Variants in UBE3D observed in about 807,000 individuals in gnomAD.
UBE3D encodes the protein ubiquitin protein ligase E3D.
Under a neutral mutation model 49.6 loss-of-function variants are expected in UBE3D, and 48 were observed. The ratio of observed to expected loss-of-function variants is 0.97; its 90% CI spans 0.77 to 1.23. The LOEUF is 1.23. UBE3D is among the 50% of genes most tolerant of loss of function. The pLI is 0.00. For missense variants in UBE3D, 452 were observed against 468.4 expected (o/e 0.96, Z 0.32); for synonymous variants, 189 against 174.2 (o/e 1.08, Z -0.67).
At chr6:82,988,831 T>C (rs1778696743) in intron 8 of UBE3D, among the ~76,000 whole-genome samples, 1 of 151,670 alleles carries the variant, frequency 6.6e-6, no homozygotes. Flanking sequence ...AAACCAGCTG[T>C]TACCAGGAGA....
chr6:82,940,169 G>C (rs984565697), intron 9 of UBE3D, among the ~76,000 whole-genome samples: 3 of 152,174 alleles, frequency 2.0e-5, no homozygotes, highest in African/African-American at 7.2e-5. Flanking sequence ...ATTCTCTCTA[G>C]AGTATGGCAA....
At chr6:83,061,129 A>C (rs999104139) in intron 1 of UBE3D, among the ~76,000 whole-genome samples, 6 of 152,232 alleles carry the variant, frequency 3.9e-5, no homozygotes, top group Admixed American at 1.3e-4. Context: ...TATTCCTGCC[A>C]AAGATGCAAA....
chr6:82,948,088 G>GT (rs1554189331), intron 9 of UBE3D, among the ~76,000 whole-genome samples: 3 of 151,774 alleles, frequency 2.0e-5, no homozygotes, highest in Admixed American at 1.3e-4. Flanking sequence ...CAAAATGTTG[G>GT]TTTTTTTGAA....
intron 8 of UBE3D, among the ~76,000 whole-genome samples, chr6:83,011,286 A>G (rs372274215): frequency 6.6e-6 from 1 of 152,216 alleles, no homozygotes; most frequent in African/African-American, 2.4e-5. Flanking sequence ...CGACACTTAC[A>G]TTCCTTGTTT....
At chr6:82,936,059 G>T (rs143951137) in intron 9 of UBE3D, among the ~76,000 whole-genome samples, 1 of 152,038 alleles carries the variant, frequency 6.6e-6, no homozygotes, top group Non-Finnish European at 1.5e-5. Flanking sequence ...GGATGAGAGG[G>T]TGGAATGTGC....
chr6:83,030,759 G>A (rs1414052274), intron 5 of UBE3D, among the ~76,000 whole-genome samples: 3 of 152,130 alleles, frequency 2.0e-5, no homozygotes, highest in Non-Finnish European at 4.4e-5. Flanking sequence ...CAGAAGATAG[G>A]AAATGGGGGA....
downstream of UBE3D, among the ~76,000 whole-genome samples, chr6:82,887,955 AG>A (rs1770918708): frequency 6.6e-6 from 1 of 152,106 alleles, no homozygotes; most frequent in Non-Finnish European, 1.5e-5. Context: ...GCTATTACCT[AG>A]GAAGAGGGGA....
intron 4 of UBE3D, among the ~76,000 whole-genome samples, chr6:83,040,112 C>G (rs1250201578): frequency 6.6e-6 from 1 of 152,068 alleles, no homozygotes; most frequent in Non-Finnish European, 1.5e-5. Context: ...ATGCTGGGCA[C>G]CATGGCTCAC....
At chr6:83,031,813 C>T (rs796819249) in intron 5 of UBE3D, among the ~76,000 whole-genome samples, 15 of 152,300 alleles carry the variant, frequency 9.8e-5, no homozygotes, top group African/African-American at 2.6e-4. Flanking sequence ...GTGTCCCAGC[C>T]GCACTAGCCA....
At chr6:82,947,731 G>A (rs954540309) in intron 9 of UBE3D, among the ~76,000 whole-genome samples, 16 of 151,822 alleles carry the variant, frequency 1.1e-4, no homozygotes, top group African/African-American at 3.4e-4. Context: ...AAAACTATAC[G>A]AATACATGGA....
intron 5 of UBE3D, among the ~76,000 whole-genome samples, chr6:83,034,122 T>C (rs1402955232): frequency 6.6e-6 from 1 of 152,198 alleles, no homozygotes; most frequent in Non-Finnish European, 1.5e-5. Flanking sequence ...TTTGTACATG[T>C]TTTCTACAGA....
intron 5 of UBE3D, chr6:83,032,196 C>A (rs539386632): frequency 4.4e-6 from 2 of 456,220 alleles, no homozygotes; most frequent in Non-Finnish European, 4.4e-6. Context: ...AGAAAAGCCA[C>A]AGTACCTCAA....
At chr6:82,941,255 T>G (rs1336424162) in intron 9 of UBE3D, among the ~76,000 whole-genome samples, 1 of 151,998 alleles carries the variant, frequency 6.6e-6, no homozygotes. Context: ...TTACTCCCAG[T>G]GATCTTAATT....
intron 9 of UBE3D, among the ~76,000 whole-genome samples, chr6:82,936,783 C>CAA (rs1251772714): frequency 2.6e-5 from 4 of 152,158 alleles, no homozygotes; most frequent in Non-Finnish European, 5.9e-5. Context: ...CCCAAAGAAG[C>CAA]AATGTGCTAA....
intron 7 of UBE3D, 137 bp downstream of exon 7, chr6:83,022,316 C>T (rs916655016): frequency 5.0e-5 from 29 of 576,654 alleles, no homozygotes; most frequent in Admixed American, 1.3e-4. Context: ...CATAAGCCAC[C>T]GTGCCCAGCC....
chr6:82,887,320 C>CAA, the UBE3D span, among the ~76,000 whole-genome samples: 13 of 66,914 alleles, frequency 1.9e-4, no homozygotes, highest in Admixed American at 3.1e-4. Context: ...AAGACTGTCT[C>CAA]AAAAAAAAAA....
intron 8 of UBE3D, among the ~76,000 whole-genome samples, chr6:83,010,694 G>C (rs1196142254): frequency 6.6e-6 from 1 of 152,188 alleles, no homozygotes; most frequent in Non-Finnish European, 1.5e-5. Context: ...CAAAGCTGAA[G>C]AATTGGAGTC....
At chr6:83,043,936 G>A (rs1340091140) in intron 4 of UBE3D, among the ~76,000 whole-genome samples, 2 of 152,120 alleles carry the variant, frequency 1.3e-5, no homozygotes, top group Non-Finnish European at 2.9e-5. Flanking sequence ...TGAAACACAA[G>A]CTTTATCTCC....
chr6:83,059,458 T>A (rs1582774037), intron 1 of UBE3D, among the ~76,000 whole-genome samples: 1 of 152,336 alleles, frequency 6.6e-6, no homozygotes, highest in East Asian at 1.9e-4. Flanking sequence ...CAGGTAGGAT[T>A]TGGCCAATGG....
Sources: gnomAD v4.1 joint callset for allele counts (sites outside exome capture counted in the v4.1 genomes callset) on GRCh38, gnomAD v4.1.1 for gene constraint, MANE v1.5 for transcripts, NCBI Gene and HGNC (gene_info 2026-07-23, HGNC 2026-07-21) for gene names.